The following EPHA6 variants were observed in gnomAD, a reference collection of about 807,000 sequenced individuals.
The protein encoded by EPHA6 is ephrin type-A receptor 6.
Under a neutral mutation model 112.0 loss-of-function variants are expected in EPHA6, and 50 were observed. The observed-to-expected ratio is 0.45, with a 90% CI of 0.36 to 0.56. EPHA6 has a LOEUF of 0.56. EPHA6 is among the 20% of genes least tolerant of loss of function. The pLI, the probability that EPHA6 is intolerant of heterozygous loss-of-function variation, is 0.00. For synonymous variants in EPHA6, 529 were observed against 490.7 expected, an observed-to-expected ratio of 1.08 and a Z score of -1.03; for missense variants, 1,280 against 1,417.4, an observed-to-expected ratio of 0.90 and a Z score of 1.56.
chr3:97,539,442 C>T (rs1384418869), intron 11 of EPHA6, among the ~76,000 whole-genome samples: 1 of 152,154 alleles, frequency 6.6e-6, no homozygotes, highest in African/African-American at 2.4e-5. Flanking sequence ...GCCATCACAC[C>T]TGCCGTTCCA....
At chr3:97,388,905 C>T (rs1397743638) in intron 5 of EPHA6, among the ~76,000 whole-genome samples, 1 of 152,044 alleles carries the variant, frequency 6.6e-6, no homozygotes, top group African/African-American at 2.4e-5. Context: ...TTTTCTGCAG[C>T]ACAGTGTTAG....
At chr3:97,670,787 A>G (rs962940408) in intron 14 of EPHA6, among the ~76,000 whole-genome samples, 1 of 152,198 alleles carries the variant, frequency 6.6e-6, no homozygotes, top group Non-Finnish European at 1.5e-5. Context: ...TCCTTTGTAA[A>G]TCACCGTCAT....
At chr3:97,712,520 C>T (rs1033050408) in intron 14 of EPHA6, among the ~76,000 whole-genome samples, 1 of 152,108 alleles carries the variant, frequency 6.6e-6, no homozygotes, top group African/African-American at 2.4e-5. Flanking sequence ...AATGGCAGTT[C>T]TCATAATAAA....
At chr3:97,617,573 A>G (rs1420477554) in intron 13 of EPHA6, among the ~76,000 whole-genome samples, 1 of 152,154 alleles carries the variant, frequency 6.6e-6, no homozygotes, top group East Asian at 1.9e-4. Context: ...GCTCAAAATA[A>G]AGTGATGCAG....
intron 15 of EPHA6, among the ~76,000 whole-genome samples, chr3:97,734,040 C>T (rs958283372): frequency 6.6e-6 from 1 of 152,028 alleles, no homozygotes; most frequent in Non-Finnish European, 1.5e-5. Context: ...TTTCCTTATT[C>T]CTCTGAGTCT....
chr3:96,979,362 C>T (rs1172994628), intron 2 of EPHA6, among the ~76,000 whole-genome samples: 4 of 151,994 alleles, frequency 2.6e-5, no homozygotes, highest in African/African-American at 7.3e-5. Context: ...CATCCATGTC[C>T]CTACAAAGGA....
intron 3 of EPHA6, among the ~76,000 whole-genome samples, chr3:97,217,490 A>C (rs945285423): frequency 6.6e-6 from 1 of 152,230 alleles, no homozygotes; most frequent in African/African-American, 2.4e-5. Flanking sequence ...TAAATGGCAT[A>C]GATTGTCAAA....
chr3:97,469,777 G>T (rs1301414596), intron 7 of EPHA6, among the ~76,000 whole-genome samples: 1 of 151,608 alleles, frequency 6.6e-6, no homozygotes, highest in Non-Finnish European at 1.5e-5. Flanking sequence ...ATTTTAAAAT[G>T]TTATTATGAA....
intron 6 of EPHA6, among the ~76,000 whole-genome samples, chr3:97,440,416 C>T (rs371486714): frequency 1.3e-5 from 2 of 151,894 alleles, no homozygotes; most frequent in East Asian, 3.9e-4. Context: ...TCCTAAAATT[C>T]TGAAATTTTA....
intron 2 of EPHA6, among the ~76,000 whole-genome samples, chr3:96,899,061 A>G (rs1196587351): frequency 6.6e-6 from 1 of 151,926 alleles, no homozygotes; most frequent in East Asian, 1.9e-4. Flanking sequence ...AACAAAAAAA[A>G]AACAGGAATT....
At chr3:96,872,561 A>G (rs1227860632) in intron 2 of EPHA6, among the ~76,000 whole-genome samples, 3 of 152,106 alleles carry the variant, frequency 2.0e-5, no homozygotes, top group Admixed American at 6.6e-5. Context: ...GAAAGTCTTT[A>G]TATCTTCTTC....
At chr3:97,442,889 C>A (rs114057116) in intron 6 of EPHA6, among the ~76,000 whole-genome samples, 3,932 of 152,176 alleles carry the variant, frequency 0.026, 68 homozygotes, top group Middle Eastern at 0.041. Context: ...AGTATTCAAA[C>A]TTTTCTTTTC....
intron 5 of EPHA6, among the ~76,000 whole-genome samples, chr3:97,324,304 A>C (rs1488243955): frequency 6.6e-6 from 1 of 151,906 alleles, no homozygotes; most frequent in Non-Finnish European, 1.5e-5. Flanking sequence ...CATCTAGATA[A>C]TTTTTAGTCT....
intron 3 of EPHA6, among the ~76,000 whole-genome samples, chr3:97,202,604 G>A (rs2077606296): frequency 6.6e-6 from 1 of 152,070 alleles, no homozygotes; most frequent in Admixed American, 6.6e-5. Context: ...AAATTGCTGG[G>A]ATTACAGGCG....
chr3:97,493,371 G>C (rs2091899857), intron 10 of EPHA6, among the ~76,000 whole-genome samples: 1 of 152,146 alleles, frequency 6.6e-6, no homozygotes, highest in Non-Finnish European at 1.5e-5. Flanking sequence ...TGGAGTTTTA[G>C]ATGGGGTGCC....
chr3:97,690,728 A>G (rs1190841645), intron 14 of EPHA6, among the ~76,000 whole-genome samples: 12 of 152,102 alleles, frequency 7.9e-5, no homozygotes. Flanking sequence ...TCCATTTCCC[A>G]AAGTGCTGGG....
At chr3:96,824,601 C>G (rs2033519759) in intron 1 of EPHA6, among the ~76,000 whole-genome samples, 2 of 151,950 alleles carry the variant, frequency 1.3e-5, no homozygotes, top group Non-Finnish European at 2.9e-5. Flanking sequence ...AACACAAAGG[C>G]AGGCCACTGC....
intron 3 of EPHA6, among the ~76,000 whole-genome samples, chr3:97,093,626 A>G (rs985039953): frequency 5.9e-5 from 9 of 152,148 alleles, no homozygotes; most frequent in Non-Finnish European, 1.2e-4. Flanking sequence ...GATAGTGTGC[A>G]TAATACTTGA....
chr3:97,662,035 C>T (rs2094173071), intron 14 of EPHA6, among the ~76,000 whole-genome samples: 1 of 152,120 alleles, frequency 6.6e-6, no homozygotes, highest in Non-Finnish European at 1.5e-5. Flanking sequence ...TGGCCACCAA[C>T]TATCTGATAG....
Sources: gnomAD v4.1 joint callset for allele counts (sites outside exome capture counted in the v4.1 genomes callset) on GRCh38, gnomAD v4.1.1 for gene constraint, MANE v1.5 for transcripts, NCBI Gene and HGNC (gene_info 2026-07-23, HGNC 2026-07-21) for gene names.